Variants in GALNT1 observed in about 807,000 individuals in gnomAD.
GALNT1 encodes polypeptide N-acetylgalactosaminyltransferase 1.
A neutral mutation model predicts 65.7 loss-of-function variants in GALNT1; 17 were observed. The observed-to-expected ratio is 0.26, with a 90% CI of 0.18 to 0.39. GALNT1 has a LOEUF of 0.39. Ranked by LOEUF, GALNT1 falls within the 10% of genes least tolerant of loss-of-function variation. The pLI, the probability that GALNT1 is intolerant of heterozygous loss-of-function variation, is 1.00. For synonymous variants in GALNT1, 210 were observed against 219.7 expected, an observed-to-expected ratio of 0.96 and a Z score of 0.39; for missense variants, 460 against 672.8, an observed-to-expected ratio of 0.68 and a Z score of 3.50.
chr18:35,693,228 G>A (rs1432941800), intron 9 of GALNT1, among the ~76,000 whole-genome samples: 3 of 152,140 alleles, frequency 2.0e-5, no homozygotes, highest in South Asian at 2.1e-4. Context: ...CAGGTCATAC[G>A]AGTTTTTAGG....
chr18:35,613,124 C>T (rs491044), intron 1 of GALNT1, among the ~76,000 whole-genome samples: 1 of 151,886 alleles, frequency 6.6e-6, no homozygotes, highest in Non-Finnish European at 1.5e-5. Flanking sequence ...ATCTAGTTTA[C>T]TTATGTTTAT....
At chr18:35,619,413 A>G (rs1318264708) in intron 1 of GALNT1, among the ~76,000 whole-genome samples, 1 of 152,218 alleles carries the variant, frequency 6.6e-6, no homozygotes, top group Non-Finnish European at 1.5e-5. Flanking sequence ...AAATGTAAAA[A>G]AAAGAATTTC....
chr18:35,678,689 C>T (rs1402728746), intron 4 of GALNT1, among the ~76,000 whole-genome samples: 2 of 152,140 alleles, frequency 1.3e-5, no homozygotes, highest in Admixed American at 1.3e-4. Flanking sequence ...TACTTCTTTT[C>T]TTCCTTCATC....
intron 1 of GALNT1, among the ~76,000 whole-genome samples, chr18:35,592,175 G>T (rs577158235): frequency 6.6e-6 from 1 of 152,328 alleles, no homozygotes; most frequent in African/African-American, 2.4e-5. Context: ...GGGCCCGGAT[G>T]AGGAAAGTGA....
At chr18:35,708,803 T>C (rs1598815441) in intron 11 of GALNT1, among the ~76,000 whole-genome samples, 2 of 152,362 alleles carry the variant, frequency 1.3e-5, no homozygotes, top group Admixed American at 1.3e-4. Flanking sequence ...GGATAAAATA[T>C]ATAGCTATGT....
At chr18:35,628,083 G>A (rs1446236296) in intron 1 of GALNT1, among the ~76,000 whole-genome samples, 2 of 152,186 alleles carry the variant, frequency 1.3e-5, no homozygotes, top group African/African-American at 4.8e-5. Context: ...GCTCGAACTG[G>A]GTGGAACCCA....
intron 1 of GALNT1, among the ~76,000 whole-genome samples, chr18:35,649,267 G>A (rs555506456): frequency 9.9e-5 from 15 of 152,164 alleles, no homozygotes; most frequent in African/African-American, 3.4e-4. Flanking sequence ...AGTTCATAGT[G>A]GTGTTTCATT....
chr18:35,600,870 G>T (rs569090326), intron 1 of GALNT1, among the ~76,000 whole-genome samples: 1 of 151,972 alleles, frequency 6.6e-6, no homozygotes, highest in Non-Finnish European at 1.5e-5. Flanking sequence ...TGCATATTAC[G>T]TTCATCAGGG....
At chr18:35,591,470 A>C (rs2046443531) in intron 1 of GALNT1, among the ~76,000 whole-genome samples, 1 of 152,208 alleles carries the variant, frequency 6.6e-6, no homozygotes, top group South Asian at 2.1e-4. Flanking sequence ...TTTATAACAA[A>C]ATTAAATGGC....
chr18:35,661,726 C>T (rs1300148101), intron 2 of GALNT1, among the ~76,000 whole-genome samples: 9 of 151,988 alleles, frequency 5.9e-5, no homozygotes, highest in East Asian at 1.9e-4. Context: ...CCCTTTGTCC[C>T]GTATATTTCC....
chr18:35,663,564 A>G, intron 2 of GALNT1, 64 bp from the exon 3 acceptor site: 2 of 1,493,750 alleles, frequency 1.3e-6, no homozygotes, highest in Non-Finnish European at 1.8e-6. Flanking sequence ...ATGTTATTAA[A>G]TAGAATCATG....
chr18:35,706,720 C>T (rs12967560), intron 11 of GALNT1, among the ~76,000 whole-genome samples: 2 of 152,088 alleles, frequency 1.3e-5, no homozygotes, highest in Non-Finnish European at 2.9e-5. Context: ...CCTCCCTCTC[C>T]CTGGGCAGAG....
chr18:35,673,668 G>T (rs2047666326), intron 3 of GALNT1, among the ~76,000 whole-genome samples: 1 of 152,140 alleles, frequency 6.6e-6, no homozygotes, highest in South Asian at 2.1e-4. Context: ...AAACTCTTGG[G>T]CTCAAGTGAT....
intron 1 of GALNT1, among the ~76,000 whole-genome samples, chr18:35,643,690 C>T (rs1041443676): frequency 1.3e-5 from 2 of 150,932 alleles, no homozygotes; most frequent in Admixed American, 6.6e-5. Context: ...CCCAGCTACT[C>T]GGGAGGCTGA....
intron 1 of GALNT1, among the ~76,000 whole-genome samples, chr18:35,614,805 A>G (rs1434743192): frequency 6.6e-6 from 1 of 152,286 alleles, no homozygotes; most frequent in African/African-American, 2.4e-5. Context: ...AGTCAGTTCT[A>G]TTACTCTAAA....
At chr18:35,619,395 A>T (rs1598785448) in intron 1 of GALNT1, among the ~76,000 whole-genome samples, 1 of 152,216 alleles carries the variant, frequency 6.6e-6, no homozygotes, top group African/African-American at 2.4e-5. Flanking sequence ...AAGAACCTTC[A>T]TGCTTACAAA....
At chr18:35,707,269 T>C (rs1376405457) in intron 11 of GALNT1, among the ~76,000 whole-genome samples, 1 of 152,246 alleles carries the variant, frequency 6.6e-6, no homozygotes, top group African/African-American at 2.4e-5. Flanking sequence ...TTTTCTAGGA[T>C]GCAGGTAGAC....
At chr18:35,630,585 C>G (rs1167162398) in intron 1 of GALNT1, among the ~76,000 whole-genome samples, 1 of 152,070 alleles carries the variant, frequency 6.6e-6, no homozygotes, top group Non-Finnish European at 1.5e-5. Context: ...GCACTAAATG[C>G]CCACAAGAGA....
intron 1 of GALNT1, among the ~76,000 whole-genome samples, chr18:35,608,772 A>G (rs1410158116): frequency 1.3e-5 from 2 of 152,218 alleles, no homozygotes; most frequent in Admixed American, 6.5e-5. Context: ...CATTCAAGGT[A>G]TAAAGTATAC....
Sources: allele counts gnomAD v4.1 joint callset (sites outside exome capture counted in the v4.1 genomes callset), GRCh38; gene constraint gnomAD v4.1.1; transcripts MANE v1.5; gene names NCBI Gene and HGNC (gene_info 2026-07-23, HGNC 2026-07-21).